The following PTPRE variants were observed in gnomAD, a reference collection of about 807,000 sequenced individuals.
PTPRE encodes the protein protein tyrosine phosphatase receptor type E, also known as receptor-type tyrosine-protein phosphatase epsilon.
A neutral mutation model predicts 102.0 loss-of-function variants in PTPRE; 51 were observed. That is an observed-to-expected ratio of 0.50 (90% CI 0.40 to 0.63). The LOEUF (loss-of-function observed/expected upper bound fraction) is 0.63, where lower values mean the gene tolerates loss of function less well. Ranked by LOEUF, PTPRE falls within the 30% of genes least tolerant of loss-of-function variation. The pLI is 0.00. For missense variants in PTPRE, 752 were observed against 915.1 expected (o/e 0.82, Z 2.30); for synonymous variants, 345 against 348.2 (o/e 0.99, Z 0.10).
chr10:128,003,274 G>A (rs1213030895), intron 2 of PTPRE, among the ~76,000 whole-genome samples: 1 of 152,144 alleles, frequency 6.6e-6, no homozygotes. Flanking sequence ...TGCTGCTGTT[G>A]CGGCTGTTTC....
At chr10:128,022,107 AT>A (rs1454685520) in intron 2 of PTPRE, among the ~76,000 whole-genome samples, 1 of 152,246 alleles carries the variant, frequency 6.6e-6, no homozygotes, top group Non-Finnish European at 1.5e-5. Context: ...ATAAAGTCAA[AT>A]GAAAGTCACA....
At chr10:127,922,377 A>G (rs749063458) in intron 1 of PTPRE, among the ~76,000 whole-genome samples, 23 of 152,236 alleles carry the variant, frequency 1.5e-4, no homozygotes, top group Non-Finnish European at 3.1e-4. Flanking sequence ...GCAGTCCCGT[A>G]AGGGGCTGTC....
chr10:127,996,817 A>G (rs1589950494), intron 2 of PTPRE, among the ~76,000 whole-genome samples: 1 of 152,218 alleles, frequency 6.6e-6, no homozygotes, highest in African/African-American at 2.4e-5. Flanking sequence ...TTCTTTTTGA[A>G]GTGGGTGTGT....
intron 2 of PTPRE, among the ~76,000 whole-genome samples, chr10:128,018,678 T>C (rs1274995666): frequency 6.6e-6 from 1 of 152,150 alleles, no homozygotes; most frequent in African/African-American, 2.4e-5. Flanking sequence ...TCTCCTCTGC[T>C]GAAGCCTAAA....
chr10:128,045,218 G>T (rs758185009), intron 3 of PTPRE, among the ~76,000 whole-genome samples: 1 of 152,258 alleles, frequency 6.6e-6, no homozygotes, highest in Non-Finnish European at 1.5e-5. Context: ...CCGTGTGCAC[G>T]GCCCCTTTCT....
intron 2 of PTPRE, among the ~76,000 whole-genome samples, chr10:127,982,661 G>T (rs187446189): frequency 1.3e-5 from 2 of 152,240 alleles, no homozygotes; most frequent in East Asian, 3.9e-4. Context: ...CATCTGACCA[G>T]CGTTCAGGAG....
At chr10:127,928,474 T>A (rs1847190975) in intron 1 of PTPRE, among the ~76,000 whole-genome samples, 1 of 152,238 alleles carries the variant, frequency 6.6e-6, no homozygotes, top group African/African-American at 2.4e-5. Flanking sequence ...GACCATCGGT[T>A]GAATTGATGT....
intron 1 of PTPRE, among the ~76,000 whole-genome samples, chr10:127,961,620 T>G (rs1849818950): frequency 6.7e-6 from 1 of 149,740 alleles, no homozygotes; most frequent in African/African-American, 2.5e-5. Context: ...GTGACACCTG[T>G]GCATAAGCGC....
intron 1 of PTPRE, among the ~76,000 whole-genome samples, chr10:127,978,121 A>G (rs1471711307): frequency 1.3e-5 from 2 of 152,246 alleles, no homozygotes; most frequent in Non-Finnish European, 2.9e-5. Flanking sequence ...GGAATAATCC[A>G]GTATCATTAT....
At chr10:127,948,195 G>A (rs950962768) in intron 1 of PTPRE, among the ~76,000 whole-genome samples, 1 of 152,158 alleles carries the variant, frequency 6.6e-6, no homozygotes, top group Non-Finnish European at 1.5e-5. Flanking sequence ...TCCTGAGCTT[G>A]GGGATGTGCA....
chr10:127,916,825 T>A (rs1846240736), intron 1 of PTPRE, among the ~76,000 whole-genome samples: 1 of 152,162 alleles, frequency 6.6e-6, no homozygotes, highest in South Asian at 2.1e-4. Flanking sequence ...CCTTTGTGAT[T>A]CTAGGGAAGA....
At chr10:127,912,501 A>T (rs1845932093) in intron 1 of PTPRE, among the ~76,000 whole-genome samples, 1 of 152,242 alleles carries the variant, frequency 6.6e-6, no homozygotes, top group Non-Finnish European at 1.5e-5. Context: ...TATAAAGTCC[A>T]GCAGGGAGTA....
intron 15 of PTPRE, chr10:128,071,834 G>T: frequency 3.9e-6 from 1 of 258,376 alleles, no homozygotes; most frequent in South Asian, 5.3e-5. Context: ...TAGATTGCTT[G>T]CCTGGCCACA....
At chr10:128,038,996 C>G (rs1847454028) in intron 2 of PTPRE, among the ~76,000 whole-genome samples, 1 of 152,068 alleles carries the variant, frequency 6.6e-6, no homozygotes, top group South Asian at 2.1e-4. Context: ...GTGTCGGCCT[C>G]CTCTTAGATC....
intron 1 of PTPRE, among the ~76,000 whole-genome samples, chr10:127,925,697 T>C (rs1170979164): frequency 6.6e-6 from 1 of 152,182 alleles, no homozygotes; most frequent in Admixed American, 6.5e-5. Flanking sequence ...AAAGCATCCC[T>C]GGGGCTATCA....
At chr10:127,990,691 A>G (rs1173340356) in intron 2 of PTPRE, among the ~76,000 whole-genome samples, 2 of 152,126 alleles carry the variant, frequency 1.3e-5, no homozygotes, top group African/African-American at 2.4e-5. Context: ...ATGTGTCTGC[A>G]TGTTTTGGGG....
intron 1 of PTPRE, among the ~76,000 whole-genome samples, chr10:127,969,124 G>A (rs1850490851): frequency 6.6e-6 from 1 of 152,314 alleles, no homozygotes; most frequent in East Asian, 1.9e-4. Flanking sequence ...ACTAATCTGG[G>A]GTTATGATAG....
At chr10:127,965,213 C>T (rs763865574) in intron 1 of PTPRE, among the ~76,000 whole-genome samples, 7 of 152,090 alleles carry the variant, frequency 4.6e-5, no homozygotes, top group African/African-American at 7.2e-5. Context: ...TGCTGACTCC[C>T]GTAATTTTAT....
rs535843328 is a variant in PTPRE, at chr10:127,958,919, G to T, written c.-30-23355G>T. On this transcript the variant is annotated intron_variant, in intron 1 of 20. Coordinates refer to ENST00000254667, the MANE Select transcript of PTPRE (RefSeq NM_006504.6). Reference sequence around the variant, plus strand: ...TTTTTTTTTTTTTTTTTCCTGAGACGGAGTTTCACTCTTGTTGCCCAGGCT... The same window carrying T: ...TTTTTTTTTTTTTTTTTCCTGAGACTGAGTTTCACTCTTGTTGCCCAGGCT... Among the ~76,000 whole-genome samples the T allele has an allele frequency of 3.5e-3, 494 of 139,960 alleles. 5 individuals are homozygous for T. Among genetic ancestry groups the T allele is most frequent in the African/African-American group, 0.013 (474 of 37,194 alleles). 91.8% of individuals were successfully genotyped at this position (139,960 alleles called of 152,430 possible).
Sources: gnomAD v4.1 joint callset for allele counts (sites outside exome capture counted in the v4.1 genomes callset) on GRCh38, gnomAD v4.1.1 for gene constraint, MANE v1.5 for transcripts, NCBI Gene and HGNC (gene_info 2026-07-23, HGNC 2026-07-21) for gene names.